Variants in DNAH9 observed in about 807,000 individuals in gnomAD.
The protein encoded by DNAH9 is dynein axonemal heavy chain 9, also known as DNAH9 variant protein.
In DNAH9, 345 loss-of-function variants were observed where a neutral mutation model predicts 471.6. That is an observed-to-expected ratio of 0.73 (90% CI 0.67 to 0.80). The LOEUF (loss-of-function observed/expected upper bound fraction) is 0.80, where lower values mean the gene tolerates loss of function less well. Ranked by LOEUF, DNAH9 falls within the 30% of genes least tolerant of loss-of-function variation. The pLI is 0.00. For missense variants in DNAH9, 5,407 were observed against 5,609.2 expected (o/e 0.96, Z 1.15); for synonymous variants, 2,093 against 2,123.6 (o/e 0.99, Z 0.40).
At chr17:11,778,081 A>G (rs1012847832) in intron 38 of DNAH9, among the ~76,000 whole-genome samples, 1 of 151,998 alleles carries the variant, frequency 6.6e-6, no homozygotes, top group African/African-American at 2.4e-5. Context: ...GAAAAATAGC[A>G]CCTGGGTAAA....
chr17:11,755,907 A>G (rs1967363506), intron 33 of DNAH9, among the ~76,000 whole-genome samples: 1 of 152,320 alleles, frequency 6.6e-6, no homozygotes, highest in East Asian at 1.9e-4. Context: ...CCTCACAATC[A>G]TGGCAGAAGG....
intron 18 of DNAH9, among the ~76,000 whole-genome samples, chr17:11,680,373 T>C (rs1334609281): frequency 1.3e-5 from 2 of 152,176 alleles, no homozygotes; most frequent in African/African-American, 4.8e-5. Context: ...AGTAGAAATA[T>C]GGTAGAAGCA....
rs765635023 is a variant in DNAH9, at chr17:11,632,651, CTA to C, written c.1585_1586del (p.Ile529LeufsTer6). On this transcript the variant is annotated frameshift_variant, in exon 8 of 69. Transcript: ENST00000262442. LOFTEE classifies it high-confidence loss of function. ...GAAGATCTTGACCGAAGATTGGGGA[CTA>C]TCTTTATTCAAGCTTTTGATGATGC... is the stretch of plus-strand genomic sequence containing the variant. The C allele has an allele frequency of 6.2e-7, 1 of 1,612,070 alleles. No individual in the cohort carries two copies. Among genetic ancestry groups the C allele is most frequent in the Non-Finnish European group, 8.5e-7 (1 of 1,178,270 alleles).
intron 24 of DNAH9, among the ~76,000 whole-genome samples, chr17:11,701,827 C>T (rs1019855690): frequency 6.6e-6 from 1 of 152,104 alleles, no homozygotes; most frequent in Non-Finnish European, 1.5e-5. Flanking sequence ...TACAGGCATG[C>T]GCCACCAGGG....
At position 11,603,580 on chromosome 17, in the gene DNAH9, G is replaced by A. The variant is rs148928369; in HGVS notation, c.418-4549G>A. Among the ~76,000 whole-genome samples, 1,020 of 152,200 alleles carry A rather than the reference G, an allele frequency of 6.7e-3. 11 individuals carry two copies. The highest frequency in any genetic ancestry group is 0.023 in the African/African-American group (965 of 41,504). On this transcript the variant is annotated intron_variant, in intron 1 of 68. Transcript: ENST00000262442. ...ACACATTCCTGAGGAGATCACTCTA[G>A]CAATTTCCTCTTCTCCCCTGCATTC...
chr17:11,680,612 A>C, intron 18 of DNAH9, 111 bp from the exon 19 acceptor site: 2 of 883,696 alleles, frequency 2.3e-6, no homozygotes, highest in Non-Finnish European at 1.8e-6. Context: ...CCACCACACC[A>C]TTGTACCATC....
intron 26 of DNAH9, among the ~76,000 whole-genome samples, chr17:11,708,008 CACACACAGAGAGAGAGAGAG>C (rs2074750290): frequency 4.2e-5 from 2 of 47,168 alleles, no homozygotes; most frequent in East Asian, 6.1e-4. Flanking sequence ...CACACACACA[CACACACAGAGAGAGAGAGAG>C]AGAGAGAGAG....
intron 49 of DNAH9, among the ~76,000 whole-genome samples, chr17:11,844,993 T>TA (rs374128777): frequency 1.3e-5 from 2 of 151,588 alleles, no homozygotes; most frequent in Admixed American, 6.6e-5. Context: ...ACTTTTTTTT[T>TA]ACCATCTTTT....
intron 1 of DNAH9, among the ~76,000 whole-genome samples, chr17:11,604,829 G>C (rs1026411818): frequency 6.6e-6 from 1 of 152,026 alleles, no homozygotes. Context: ...ACCGTCTTCT[G>C]TATTATAGCA....
chr17:11,928,612 T>C (rs183347906), intron 62 of DNAH9, among the ~76,000 whole-genome samples: 20 of 152,088 alleles, frequency 1.3e-4, no homozygotes, highest in Admixed American at 5.2e-4. Flanking sequence ...CAATCAAACG[T>C]TGGGAGGAGG....
At chr17:11,666,346 T>C (rs2073867514) in intron 15 of DNAH9, among the ~76,000 whole-genome samples, 1 of 152,188 alleles carries the variant, frequency 6.6e-6, no homozygotes, top group Non-Finnish European at 1.5e-5. Context: ...CCAATGGCTC[T>C]CTGGTTCTCC....
At chr17:11,735,277 T>C (rs1324435157) in intron 28 of DNAH9, among the ~76,000 whole-genome samples, 1 of 152,160 alleles carries the variant, frequency 6.6e-6, no homozygotes, top group Non-Finnish European at 1.5e-5. Flanking sequence ...CTCTACCCAC[T>C]GAATGCCGAC....
At position 11,894,474 on chromosome 17, in the gene DNAH9, A is replaced by C. The variant is rs963980558; in HGVS notation, c.11384A>C (p.His3795Pro). 2 of 1,614,158 alleles carry C rather than the reference A, an allele frequency of 1.2e-6. No individual in the cohort carries two copies. Among genetic ancestry groups the C allele is most frequent in the Non-Finnish European group, 8.5e-7 (1 of 1,180,014 alleles). ...GTASPVEFLSHQAWGAVKVLS... is the reference protein window; with the variant it reads ...GTASPVEFLSPQAWGAVKVLS... ...GCCAGCCCCGTGGAGTTCCTCTCCC[A>C]TCAGGCGTGGGGAGCTGTCAAGGTC... The change falls in exon 59 of 69, where the codon CAT becomes CCT. Residue 3795 changes from histidine (H) to proline (P), a missense_variant. By Grantham distance (77) the His-to-Pro change is moderately conservative. This residue lies in a region of DNAH9 where 4,636 missense variants were observed against 4,900.3 expected (regional missense o/e 0.95). Coordinates refer to ENST00000262442, the MANE Select transcript of DNAH9 (RefSeq NM_001372.4).
At chr17:11,767,015 G>A (rs1967973228) in intron 36 of DNAH9, among the ~76,000 whole-genome samples, 1 of 151,910 alleles carries the variant, frequency 6.6e-6, no homozygotes, top group African/African-American at 2.4e-5. Context: ...AGGACCACTG[G>A]ACTGGCCCAG....
At chr17:11,860,856 C>G (rs1470394698) in intron 50 of DNAH9, among the ~76,000 whole-genome samples, 4 of 151,988 alleles carry the variant, frequency 2.6e-5, no homozygotes, top group African/African-American at 9.7e-5. Context: ...CCACTGCGCC[C>G]TGCCAGAACA....
At chr17:11,916,603 A>T (rs1474957770) in intron 61 of DNAH9, among the ~76,000 whole-genome samples, 1 of 152,216 alleles carries the variant, frequency 6.6e-6, no homozygotes, top group Non-Finnish European at 1.5e-5. Context: ...GCCCCAGTTT[A>T]TTAAGTAAAC....
chr17:11,715,741 G>A (rs2074948664), intron 26 of DNAH9, among the ~76,000 whole-genome samples: 1 of 152,168 alleles, frequency 6.6e-6, no homozygotes, highest in Non-Finnish European at 1.5e-5. Context: ...GCAATGTCAT[G>A]GATCTTAAGG....
chr17:11,651,597 A>G (rs745811588), intron 13 of DNAH9, among the ~76,000 whole-genome samples: 5 of 152,184 alleles, frequency 3.3e-5, no homozygotes, highest in Non-Finnish European at 7.3e-5. Context: ...AGTCTCCAGC[A>G]TATATTGGGT....
At position 11,623,137 on chromosome 17, in the gene DNAH9, T is replaced by C. The variant is rs1026910140; in HGVS notation, c.1350+3356T>C. On this transcript the variant is annotated intron_variant, in intron 6 of 68. Transcript: ENST00000262442. The surrounding 1 kb of genome is among the most constrained non-coding windows in gnomAD (Gnocchi z 4.1). The stretch of plus-strand genomic sequence containing the variant: ...TACAGGCATGTGCCACCATGCCTGG[T>C]TAATTTTTGTATTTTTAGTAGAGAC... Among the ~76,000 whole-genome samples the C allele has an allele frequency of 5.3e-5, 8 of 151,564 alleles. No homozygotes were observed. The highest frequency in any genetic ancestry group is 7.3e-5 in the African/African-American group (3 of 41,264).
Sources: allele counts gnomAD v4.1 joint callset (sites outside exome capture counted in the v4.1 genomes callset), GRCh38; gene constraint gnomAD v4.1.1; regional missense constraint gnomAD v4.1.1; non-coding constraint Gnocchi (gnomAD v3.1); transcripts MANE v1.5; gene names NCBI Gene and HGNC (gene_info 2026-07-23, HGNC 2026-07-21).